Variants in DNASE1 observed in about 807,000 individuals in gnomAD.
The protein encoded by DNASE1 is deoxyribonuclease-1.
DNASE1 carries 40 observed loss-of-function variants against 33.9 expected under a neutral mutation model. The observed-to-expected ratio is 1.18, with a 90% CI of 0.92 to 1.54. The LOEUF is 1.54. Ranked by LOEUF, DNASE1 falls within the 40% of genes most tolerant of loss-of-function variation. The probability of loss-of-function intolerance (pLI) is 0.00; values close to 1 mark genes in which losing one functional copy is unlikely to be tolerated. For synonymous variants in DNASE1, 216 were observed against 160.0 expected, an observed-to-expected ratio of 1.35 and a Z score of -2.64; for missense variants, 518 against 372.6, an observed-to-expected ratio of 1.39 and a Z score of -3.21.
intron 1 of DNASE1, among the ~76,000 whole-genome samples, chr16:3,620,827 G>A (rs2041282687): frequency 6.6e-6 from 1 of 151,088 alleles, no homozygotes; most frequent in African/African-American, 2.4e-5. Context: ...TTGAGACAGA[G>A]TCTTACTCTG....
At chr16:3,659,898 C>T (rs2042972456), downstream of DNASE1, 1 of 152,090 alleles carries the variant, frequency 6.6e-6, no homozygotes, top group Non-Finnish European at 1.5e-5. Context: ...TACAGGCACC[C>T]ACCACCACCC....
chr16:3,630,284 C>T (rs1354556091), intron 1 of DNASE1, among the ~76,000 whole-genome samples: 1 of 152,046 alleles, frequency 6.6e-6, no homozygotes, highest in Admixed American at 6.6e-5. Context: ...AGGCTCAAAA[C>T]GATCTTCCCA....
chr16:3,662,933 C>T (rs759954462), downstream of DNASE1: 1 of 1,612,704 alleles, frequency 6.2e-7, no homozygotes, highest in South Asian at 1.1e-5. Flanking sequence ...AGGCCATGAG[C>T]TCCTCCGTCT....
chr16:3,646,401 C>T lies in DNASE1; in HGVS notation c.-86+3365C>T, dbSNP rs182104194. On this transcript the variant is annotated intron_variant, in intron 1 of 9. Transcript: ENST00000407479. ...TCCTGGAAGCCAGCCATAAATAAGCCGGCCATAAACGAGGGTAAACAGGTG... is the reference window on the plus strand; with the variant it reads ...TCCTGGAAGCCAGCCATAAATAAGCTGGCCATAAACGAGGGTAAACAGGTG... Among the ~76,000 whole-genome samples, 317 of 152,142 alleles carry T rather than the reference C, an allele frequency of 2.1e-3. 3 individuals carry two copies. Among genetic ancestry groups the T allele is most frequent in the Non-Finnish European group, 3.9e-3 (262 of 68,004 alleles).
At chr16:3,660,079 T>TG (rs1450511442), downstream of DNASE1, 4 of 152,136 alleles carry the variant, frequency 2.6e-5, no homozygotes, top group Non-Finnish European at 4.4e-5. Context: ...TCTACGTAGC[T>TG]GGAAAAAAAG....
chr16:3,655,867 A>G lies in DNASE1; in HGVS notation c.166A>G (p.Ile56Val), dbSNP rs1479293230. Residue 56 changes from isoleucine to valine, a missense_variant, in exon 3 of 9, where the codon ATC becomes GTC. Transcript: ENST00000246949. ...YIVQILSRYD[I>V]ALVQEVRDSH... is the part of the protein sequence containing the mutation. Reference sequence around the variant, plus strand: ...CCCCCAGATCCTGAGCCGCTATGACATCGCCCTGGTCCAGGAGGTCAGAGA... The same window carrying G: ...CCCCCAGATCCTGAGCCGCTATGACGTCGCCCTGGTCCAGGAGGTCAGAGA... 2 of 1,613,494 alleles carry G rather than the reference A, an allele frequency of 1.2e-6. No homozygotes were observed. The highest frequency in any genetic ancestry group is 2.2e-5 in the South Asian group (2 of 91,084).
chr16:3,655,295 GGGCTCCAGAAGGC>G (rs1199274626), intron 1 of DNASE1, 65 bp from the exon 2 acceptor site: 1 of 1,593,594 alleles, frequency 6.3e-7, no homozygotes, highest in Non-Finnish European at 8.6e-7. Context: ...CCTGCCAGCT[GGGCTCCAGAAGGC>G]TGGAGTGCTG....
At chr16:3,613,874 T>G (rs1048488553) in intron 1 of DNASE1, among the ~76,000 whole-genome samples, 1 of 151,136 alleles carries the variant, frequency 6.6e-6, no homozygotes, top group Non-Finnish European at 1.5e-5. Flanking sequence ...CCGGAGTAGC[T>G]GGGATTACAG....
At chr16:3,632,281 G>A (rs1005539768) in intron 1 of DNASE1, among the ~76,000 whole-genome samples, 5 of 152,162 alleles carry the variant, frequency 3.3e-5, no homozygotes, top group African/African-American at 1.2e-4. Flanking sequence ...TTTTCTGCCT[G>A]CTGGATCTGT....
intron 1 of DNASE1, among the ~76,000 whole-genome samples, chr16:3,636,507 G>A (rs1262661980): frequency 1.3e-5 from 2 of 152,020 alleles, no homozygotes; most frequent in East Asian, 3.8e-4. Context: ...GTTGAAAACC[G>A]GACTTGATGT....
intron 1 of DNASE1, among the ~76,000 whole-genome samples, chr16:3,621,698 T>C (rs1043233392): frequency 6.6e-6 from 1 of 152,252 alleles, no homozygotes; most frequent in African/African-American, 2.4e-5. Context: ...TTGCATTATA[T>C]GTCATCATTT....
At chr16:3,618,040 C>T (rs1349483080) in intron 1 of DNASE1, among the ~76,000 whole-genome samples, 1 of 140,670 alleles carries the variant, frequency 7.1e-6, no homozygotes, top group Non-Finnish European at 1.5e-5. Flanking sequence ...AAAGACAACT[C>T]AGAAAATGGG....
chr16:3,654,410 A>C (rs949184886), upstream of DNASE1: 1 of 398,592 alleles, frequency 2.5e-6, no homozygotes, highest in African/African-American at 2.1e-5. Context: ...TCAGGAAGGC[A>C]GGCGTGTCCT....
At chr16:3,656,569 C>T (rs991282145) in intron 4 of DNASE1, 69 bp from the exon 5 acceptor site, 3 of 1,388,048 alleles carry the variant, frequency 2.2e-6, no homozygotes, top group Non-Finnish European at 3.0e-6. Context: ...GCGACGCCTG[C>T]CTCCTGGGAA....
intron 1 of DNASE1, among the ~76,000 whole-genome samples, chr16:3,622,940 C>A (rs1322141179): frequency 6.6e-6 from 1 of 152,136 alleles, no homozygotes; most frequent in Non-Finnish European, 1.5e-5. Context: ...TGAAATTATA[C>A]TACAAGGCCT....
At chr16:3,660,446 C>T (rs951610839), downstream of DNASE1, 1 of 152,216 alleles carries the variant, frequency 6.6e-6, no homozygotes, top group Admixed American at 6.5e-5. Flanking sequence ...ACACTCCAGC[C>T]TAGGTGACAG....
Position 3,654,769 on chromosome 16 carries a change from C to G in DNASE1, c.-277C>G. The G allele has an allele frequency of 7.5e-6, 3 of 400,272 alleles. No homozygotes were observed. The highest frequency in any genetic ancestry group is 6.3e-4 in the Middle Eastern group (1 of 1,588). 24.8% of individuals were successfully genotyped at this position (400,272 alleles called of 1,614,324 possible). ...CAACCCACCTATGCGGAAAGCCACA[C>G]AGAGCCATTGTTTTCTGCACTCTCA... On this transcript the variant is annotated 5_prime_UTR_variant, in exon 1 of 9. Coordinates refer to ENST00000246949, the MANE Select transcript of DNASE1 (RefSeq NM_005223.4).
chr16:3,657,869 T>C (rs1262743737), intron 8 of DNASE1, 37 bp from the exon 9 acceptor site: 3 of 1,613,874 alleles, frequency 1.9e-6, no homozygotes, highest in East Asian at 2.2e-5. Context: ...GGAGCTCAGG[T>C]AGGCTCAGCC....
intron 1 of DNASE1, among the ~76,000 whole-genome samples, chr16:3,634,182 T>C (rs1206111698): frequency 6.6e-6 from 1 of 152,080 alleles, no homozygotes; most frequent in East Asian, 2.0e-4. Context: ...TTGAATACAT[T>C]GTTGCGGGTT....
Sources: gnomAD v4.1 joint callset for allele counts (sites outside exome capture counted in the v4.1 genomes callset) on GRCh38, gnomAD v4.1.1 for gene constraint, MANE v1.5 for transcripts, NCBI Gene and HGNC (gene_info 2026-07-23, HGNC 2026-07-21) for gene names.